Variants in TMEM178B observed in about 807,000 individuals in gnomAD.
The protein encoded by TMEM178B is transmembrane protein 178B.
A neutral mutation model predicts 31.0 loss-of-function variants in TMEM178B; 5 were observed. The observed-to-expected ratio is 0.16, with a 90% CI of 0.08 to 0.34. The LOEUF is 0.34. Among genes scored for constraint, TMEM178B ranks in the 10% least tolerant of loss-of-function variants. TMEM178B has a pLI of 1.00. For missense variants in TMEM178B, 275 were observed against 400.3 expected, an observed-to-expected ratio of 0.69 and a Z score of 2.67; for synonymous variants, 164 against 164.0, an observed-to-expected ratio of 1.00 and a Z score of 0.00.
intron 2 of TMEM178B, among the ~76,000 whole-genome samples, chr7:141,356,904 A>C (rs1799829597): frequency 6.6e-6 from 1 of 152,090 alleles, no homozygotes; most frequent in African/African-American, 2.4e-5. Flanking sequence ...TGTGGTCCAT[A>C]AAATATATCC....
chr7:141,253,280 T>C (rs114432905), intron 2 of TMEM178B, among the ~76,000 whole-genome samples: 2,260 of 152,276 alleles, frequency 0.015, 60 homozygotes, highest in African/African-American at 0.051. Flanking sequence ...ATTCCTTCCT[T>C]AAACTCTTTC....
At chr7:141,328,917 GTAAT>G (rs146510571) in intron 2 of TMEM178B, among the ~76,000 whole-genome samples, 14,281 of 152,142 alleles carry the variant, frequency 0.094, 1,445 homozygotes, top group African/African-American at 0.26. Context: ...GGTGACTTAG[GTAAT>G]TAATTAATGG....
intron 2 of TMEM178B, among the ~76,000 whole-genome samples, chr7:141,406,293 A>G (rs529481715): frequency 6.6e-6 from 1 of 152,256 alleles, no homozygotes; most frequent in African/African-American, 2.4e-5. Context: ...CCATGAAGCC[A>G]CTGCCCTGAG....
chr7:141,421,168 T>C (rs923679554), intron 2 of TMEM178B, among the ~76,000 whole-genome samples: 4 of 152,172 alleles, frequency 2.6e-5, no homozygotes, highest in African/African-American at 9.6e-5. Flanking sequence ...TCCTTGCTTA[T>C]ATGTGGATGG....
In TMEM178B at chr7:141,318,302, A is replaced by G. The variant is rs6958799; in HGVS notation, c.496+105598A>G. Among the ~76,000 whole-genome samples, 1,610 of 152,300 alleles carry G rather than the reference A, an allele frequency of 0.011. 23 individuals carry two copies. The highest frequency in any genetic ancestry group is 0.036 in the African/African-American group (1,504 of 41,548). Reference sequence around the variant, plus strand: ...TGATGATGGCTGGCCATTCTTTCTTATAACCCATTTTGAGAGTGGGAATGG... The same window carrying G: ...TGATGATGGCTGGCCATTCTTTCTTGTAACCCATTTTGAGAGTGGGAATGG... On this transcript the variant is annotated intron_variant, in intron 2 of 3. Coordinates refer to ENST00000565468, the MANE Select transcript of TMEM178B (RefSeq NM_001195278.2). This position sits in a 1 kb window ranked among gnomAD's most constrained non-coding sequence, Gnocchi z 4.1.
At chr7:141,354,238 T>A (rs1323951672) in intron 2 of TMEM178B, among the ~76,000 whole-genome samples, 2 of 152,222 alleles carry the variant, frequency 1.3e-5, no homozygotes, top group Non-Finnish European at 2.9e-5. Flanking sequence ...ATGTTATGTT[T>A]TGAGCTTAAT....
In TMEM178B at chr7:141,344,062, T is replaced by C. The variant is rs1472850595; in HGVS notation, c.497-93546T>C. 2.0e-5 allele frequency among the ~76,000 whole-genome samples: 3 copies of C among 152,120 alleles called. No homozygotes were observed. The highest frequency in any genetic ancestry group is 2.9e-5 in the Non-Finnish European group (2 of 68,014). ...GACAGATTTTAAAATACGGAGTATATGAGATATTGGCTCCTCACTATATGC... is the reference window on the plus strand; with the variant it reads ...GACAGATTTTAAAATACGGAGTATACGAGATATTGGCTCCTCACTATATGC... On this transcript the variant is annotated intron_variant, in intron 2 of 3. Coordinates refer to ENST00000565468, the MANE Select transcript of TMEM178B (RefSeq NM_001195278.2). The surrounding 1 kb of genome is among the most constrained non-coding windows in gnomAD (Gnocchi z 4.1).
At chr7:141,317,881 G>A (rs540904613) in intron 2 of TMEM178B, among the ~76,000 whole-genome samples, 21 of 152,268 alleles carry the variant, frequency 1.4e-4, no homozygotes, top group African/African-American at 4.1e-4. Flanking sequence ...TAACTGCGAT[G>A]GTTGCCTAGA....
chr7:141,330,589 C>A (rs6975529), intron 2 of TMEM178B, among the ~76,000 whole-genome samples: 1 of 152,032 alleles, frequency 6.6e-6, no homozygotes, highest in African/African-American at 2.4e-5. Flanking sequence ...ACACTACCTG[C>A]TGGTTGGAGA....
intron 2 of TMEM178B, among the ~76,000 whole-genome samples, chr7:141,306,779 A>G (rs1257896640): frequency 6.6e-6 from 1 of 152,084 alleles, no homozygotes; most frequent in Non-Finnish European, 1.5e-5. Flanking sequence ...ATCTTCCCAA[A>G]GTAAACCACA....
intron 2 of TMEM178B, among the ~76,000 whole-genome samples, chr7:141,229,760 G>A (rs567581393): frequency 2.6e-5 from 4 of 151,638 alleles, no homozygotes; most frequent in South Asian, 4.2e-4. Flanking sequence ...CTGTCTCTAC[G>A]AAAAATTAAA....
At chr7:141,370,361 G>A (rs1250593786) in intron 2 of TMEM178B, among the ~76,000 whole-genome samples, 2 of 152,184 alleles carry the variant, frequency 1.3e-5, no homozygotes, top group African/African-American at 4.8e-5. Context: ...GGGCTGGGCT[G>A]AGCTACTCTT....
intron 2 of TMEM178B, among the ~76,000 whole-genome samples, chr7:141,408,340 T>C (rs1037611770): frequency 1.9e-4 from 29 of 152,216 alleles, no homozygotes; most frequent in Non-Finnish European, 2.4e-4. Context: ...TCATCCCACG[T>C]GTGCTGAATA....
At chr7:141,365,883 C>A (rs1799995508) in intron 2 of TMEM178B, among the ~76,000 whole-genome samples, 1 of 152,240 alleles carries the variant, frequency 6.6e-6, no homozygotes, top group African/African-American at 2.4e-5. Flanking sequence ...GTCACAGGTT[C>A]TAGGAATTAG....
chr7:141,502,298 T>C, the TMEM178B span, among the ~76,000 whole-genome samples: 1 of 152,024 alleles, frequency 6.6e-6, no homozygotes, highest in African/African-American at 2.4e-5. Flanking sequence ...CAGTGACTAC[T>C]AAGGTTCAGA....
intron 2 of TMEM178B, among the ~76,000 whole-genome samples, chr7:141,322,993 G>A (rs1799127384): frequency 6.6e-6 from 1 of 152,122 alleles, no homozygotes; most frequent in Admixed American, 6.6e-5. Context: ...TTCCTTATGT[G>A]CCCTTTTGTT....
intron 2 of TMEM178B, among the ~76,000 whole-genome samples, chr7:141,434,140 C>T (rs1210406123): frequency 6.6e-6 from 1 of 152,230 alleles, no homozygotes; most frequent in Non-Finnish European, 1.5e-5. Flanking sequence ...CATTCTCCAA[C>T]AACTCTCACC....
At chr7:141,349,253 G>C (rs1375060034) in intron 2 of TMEM178B, among the ~76,000 whole-genome samples, 1 of 151,952 alleles carries the variant, frequency 6.6e-6, no homozygotes, top group African/African-American at 2.4e-5. Flanking sequence ...TTTCTGTATT[G>C]AGCTTGCTGG....
intron 2 of TMEM178B, among the ~76,000 whole-genome samples, chr7:141,383,609 A>G (rs1288941155): frequency 6.6e-6 from 1 of 152,106 alleles, no homozygotes; most frequent in Admixed American, 6.5e-5. Flanking sequence ...TTCTTAATCC[A>G]GTATATCATT....
Sources: gnomAD v4.1 joint callset for allele counts (sites outside exome capture counted in the v4.1 genomes callset) on GRCh38, gnomAD v4.1.1 for gene constraint, Gnocchi (gnomAD v3.1) non-coding constraint, MANE v1.5 for transcripts, NCBI Gene and HGNC (gene_info 2026-07-23, HGNC 2026-07-21) for gene names.